Variants in CD44 observed in about 807,000 individuals in gnomAD.
CD44 encodes the protein CD44 molecule (IN blood group), also known as CD44 antigen.
A neutral mutation model predicts 88.8 loss-of-function variants in CD44; 49 were observed. That is an observed-to-expected ratio of 0.55 (90% CI 0.44 to 0.70). CD44 has a LOEUF of 0.70. Among genes scored for constraint, CD44 ranks in the 30% least tolerant of loss-of-function variants. The pLI, the probability that CD44 is intolerant of heterozygous loss-of-function variation, is 0.00. For missense variants in CD44, 883 were observed against 913.8 expected (o/e 0.97, Z 0.43); for synonymous variants, 325 against 312.3 (o/e 1.04, Z -0.43).
chr11:35,198,909 G>A (rs1947024908), intron 7 of CD44, among the ~76,000 whole-genome samples: 1 of 150,390 alleles, frequency 6.6e-6, no homozygotes, highest in Non-Finnish European at 1.5e-5. Flanking sequence ...AACCCAGGAG[G>A]AGATCGCGCC....
Position 35,176,568 on chromosome 11 carries a change from C to G in CD44, c.68-7C>G, listed in dbSNP as rs755752798. 7 of 1,600,306 alleles carry G rather than the reference C, an allele frequency of 4.4e-6. No individual in the cohort carries two copies. Among genetic ancestry groups the G allele is most frequent in the Non-Finnish European group, 6.0e-6 (7 of 1,174,834 alleles). On this transcript the variant is annotated splice_region_variant and splice_polypyrimidine_tract_variant and intron_variant, in intron 1 of 17. Transcript: ENST00000428726. ...AAAGAATCTAACATTTCTATTTCTTCCCATAGATTTGAATATAACCTGCCG... is the reference window on the plus strand; with the variant it reads ...AAAGAATCTAACATTTCTATTTCTTGCCATAGATTTGAATATAACCTGCCG...
At chr11:35,171,957 C>CTTCTG (rs1368278091) in intron 1 of CD44, among the ~76,000 whole-genome samples, 3 of 151,956 alleles carry the variant, frequency 2.0e-5, no homozygotes, top group African/African-American at 7.3e-5. Context: ...TGAGCAGGAG[C>CTTCTG]ATTGTCATGT....
Position 35,229,341 on chromosome 11 carries a change from AC to A in CD44, c.*10del. The A allele has an allele frequency of 6.4e-7, 1 of 1,573,460 alleles. No individual in the cohort carries two copies. Among genetic ancestry groups the A allele is most frequent in the Non-Finnish European group, 8.7e-7 (1 of 1,144,422 alleles). On this transcript the variant is annotated 3_prime_UTR_variant, in exon 18 of 18. Coordinates refer to ENST00000428726, the MANE Select transcript of CD44 (RefSeq NM_000610.4). Reference sequence around the variant, plus strand: ...ATGAAGATTGGGGTGTAACACCTACACCATTATCTTGGAAAGAAACAACCGT... The same window carrying A: ...ATGAAGATTGGGGTGTAACACCTACACATTATCTTGGAAAGAAACAACCGT...
At chr11:35,198,594 C>T (rs61882761) in intron 7 of CD44, 9,061 of 181,392 alleles carry the variant, frequency 0.05, 276 homozygotes, top group Non-Finnish European at 0.061. Context: ...GCTGGAAACA[C>T]GAAGATGAAA....
At chr11:35,202,210 T>A (rs1335989954) in intron 9 of CD44, among the ~76,000 whole-genome samples, 1 of 152,214 alleles carries the variant, frequency 6.6e-6, no homozygotes, top group African/African-American at 2.4e-5. Flanking sequence ...AGTGTCTTTT[T>A]TGCATTCTGT....
chr11:35,146,361 G>T (rs939143053), intron 1 of CD44, among the ~76,000 whole-genome samples: 4 of 152,196 alleles, frequency 2.6e-5, no homozygotes, highest in African/African-American at 9.6e-5. Context: ...TTGTGGCATT[G>T]CAAGTCTCCT....
chr11:35,140,623 G>T (rs1308132882), intron 1 of CD44, among the ~76,000 whole-genome samples: 1 of 152,140 alleles, frequency 6.6e-6, no homozygotes, highest in Non-Finnish European at 1.5e-5. Context: ...TGAGTTCTCT[G>T]TGCATATGCA....
chr11:35,181,682 TTATATATATA>T (rs1359979652), intron 3 of CD44, among the ~76,000 whole-genome samples: 3 of 136,706 alleles, frequency 2.2e-5, no homozygotes, highest in Admixed American at 8.3e-5. Context: ...ATATATATAT[TTATATATATA>T]TTTATTTATA....
At chr11:35,209,303 C>T (rs1022645243) in intron 12 of CD44, among the ~76,000 whole-genome samples, 2 of 152,312 alleles carry the variant, frequency 1.3e-5, no homozygotes, top group African/African-American at 4.8e-5. Context: ...TCACTGAGGG[C>T]CCTGTGTTTG....
intron 9 of CD44, among the ~76,000 whole-genome samples, chr11:35,203,522 C>A (rs914807427): frequency 6.6e-6 from 1 of 151,980 alleles, no homozygotes; most frequent in Non-Finnish European, 1.5e-5. Context: ...CCTGGATAAC[C>A]AGTTAACCCA....
chr11:35,199,952 T>G (rs1448397804), intron 7 of CD44, among the ~76,000 whole-genome samples: 4 of 149,780 alleles, frequency 2.7e-5, no homozygotes. Flanking sequence ...TTTTTTTTTT[T>G]TTTTTTTTTA....
In CD44 at chr11:35,208,119, C is replaced by A; in HGVS notation, c.1429C>A (p.His477Asn). Reference sequence around the variant, plus strand: ...GATTCCTTCAGATATGGACTCCAGTCATAGTATAACGCTTCAGCCTACTGC... The same window carrying A: ...GATTCCTTCAGATATGGACTCCAGTAATAGTATAACGCTTCAGCCTACTGC... ...AGRRMDMDSS[H>N]SITLQPTANP... is the part of the protein sequence containing the mutation. Residue 477 changes from histidine (H) to asparagine (N), a missense_variant, in exon 12 of 18, where the codon CAT becomes AAT. His to Asn is a moderately conservative substitution (Grantham distance 68). Transcript: ENST00000428726. 1.2e-6 allele frequency: 2 copies of A among 1,601,290 alleles called. No individual in the cohort carries two copies. Among genetic ancestry groups the A allele is most frequent in the East Asian group, 2.2e-5 (1 of 44,808 alleles).
At chr11:35,149,693 A>G (rs923042130) in intron 1 of CD44, among the ~76,000 whole-genome samples, 2 of 152,150 alleles carry the variant, frequency 1.3e-5, no homozygotes, top group Non-Finnish European at 2.9e-5. Flanking sequence ...CTATAAATTC[A>G]CCACTCTGTG....
intron 1 of CD44, 128 bp from the exon 2 acceptor site, chr11:35,176,447 G>A: frequency 1.4e-6 from 1 of 730,170 alleles, no homozygotes; most frequent in Non-Finnish European, 2.2e-6. Flanking sequence ...CAAAGTGCTG[G>A]GATTGTAGGC....
chr11:35,190,078 A>G lies in CD44; in HGVS notation c.667+13A>G. ...ATCCCTGCTACCAGTAAGGAGAATA[A>G]ATCACTGTGCTTCCCAATAGCAATT... On this transcript the variant is annotated intron_variant, in intron 5 of 17. Transcript: ENST00000428726. 5 of 1,603,440 alleles carry G rather than the reference A, an allele frequency of 3.1e-6. No homozygotes were observed. The highest frequency in any genetic ancestry group is 4.3e-6 in the Non-Finnish European group (5 of 1,170,194).
At chr11:35,213,104 G>A (rs947509572) in intron 14 of CD44, among the ~76,000 whole-genome samples, 6 of 152,026 alleles carry the variant, frequency 3.9e-5, no homozygotes, top group South Asian at 2.1e-4. Context: ...GATTACAGAC[G>A]TGAGCCACCA....
chr11:35,178,466 A>G (rs963115900), intron 2 of CD44, among the ~76,000 whole-genome samples: 3 of 152,228 alleles, frequency 2.0e-5, no homozygotes, highest in African/African-American at 7.2e-5. Flanking sequence ...AGGAGTTAGG[A>G]TTCTGGTTCT....
At chr11:35,215,665 C>T (rs975481511) in intron 15 of CD44, among the ~76,000 whole-genome samples, 2 of 151,982 alleles carry the variant, frequency 1.3e-5, no homozygotes, top group African/African-American at 4.8e-5. Flanking sequence ...AGGTGGATCA[C>T]GAGGTCAGGA....
intron 17 of CD44, among the ~76,000 whole-genome samples, chr11:35,223,626 A>C (rs894383381): frequency 6.6e-6 from 1 of 152,182 alleles, no homozygotes; most frequent in Non-Finnish European, 1.5e-5. Context: ...ACAGGGACAC[A>C]CAGGGTCCGG....
Sources: gnomAD v4.1 joint callset for allele counts (sites outside exome capture counted in the v4.1 genomes callset) on GRCh38, gnomAD v4.1.1 for gene constraint, MANE v1.5 for transcripts, NCBI Gene and HGNC (gene_info 2026-07-23, HGNC 2026-07-21) for gene names.